ATP8B4: variants seen among roughly 807,000 people sequenced by gnomAD.
ATP8B4 encodes ATPase phospholipid transporting 8B4 (putative).
A neutral mutation model predicts 145.6 loss-of-function variants in ATP8B4; 133 were observed. The observed-to-expected ratio is 0.91, with a 90% CI of 0.79 to 1.05. The LOEUF is 1.05. ATP8B4 is among the 50% of genes least tolerant of loss of function. ATP8B4 has a pLI of 0.00. For synonymous variants in ATP8B4, 507 were observed against 492.9 expected, an observed-to-expected ratio of 1.03 and a Z score of -0.38; for missense variants, 1,458 against 1,425.2, an observed-to-expected ratio of 1.02 and a Z score of -0.37.
intron 19 of ATP8B4, among the ~76,000 whole-genome samples, chr15:49,918,387 C>G (rs1310692151): frequency 6.6e-6 from 1 of 152,142 alleles, no homozygotes; most frequent in Non-Finnish European, 1.5e-5. Flanking sequence ...TTTCCCTGAG[C>G]TTCTTCAAAG....
chr15:49,926,330 C>A (rs1304524010), intron 16 of ATP8B4, among the ~76,000 whole-genome samples: 1 of 152,148 alleles, frequency 6.6e-6, no homozygotes, highest in Non-Finnish European at 1.5e-5. Context: ...AATCAGAAAT[C>A]TAGGCATCAC....
At chr15:50,064,559 G>A (rs1265772862) in intron 3 of ATP8B4, among the ~76,000 whole-genome samples, 1 of 152,132 alleles carries the variant, frequency 6.6e-6, no homozygotes, top group Non-Finnish European at 1.5e-5. Flanking sequence ...CAAATATATA[G>A]CCCAAGTCTT....
At chr15:50,085,902 C>T (rs1389044864) in intron 2 of ATP8B4, among the ~76,000 whole-genome samples, 1 of 65,206 alleles carries the variant, frequency 1.5e-5, no homozygotes. Context: ...TGATATATAT[C>T]ATATATATTT....
chr15:50,078,520 T>A (rs1290492869), intron 2 of ATP8B4, among the ~76,000 whole-genome samples: 2 of 149,454 alleles, frequency 1.3e-5, no homozygotes, highest in Admixed American at 6.7e-5. Context: ...AAAATATATA[T>A]CAAAATGACA....
intron 24 of ATP8B4, among the ~76,000 whole-genome samples, chr15:49,877,448 G>T (rs1377416851): frequency 6.6e-6 from 1 of 152,198 alleles, no homozygotes; most frequent in Admixed American, 6.5e-5. Context: ...TATTGTGGGA[G>T]AGGAACATTC....
chr15:50,070,918 T>C (rs1445776452), intron 3 of ATP8B4, among the ~76,000 whole-genome samples: 3 of 152,132 alleles, frequency 2.0e-5, no homozygotes, highest in Non-Finnish European at 2.9e-5. Flanking sequence ...AATTTTTGTA[T>C]TTTTAGTATA....
At chr15:50,095,132 A>G (rs2055885669) in intron 2 of ATP8B4, among the ~76,000 whole-genome samples, 1 of 152,094 alleles carries the variant, frequency 6.6e-6, no homozygotes, top group African/African-American at 2.4e-5. Flanking sequence ...ACCATACTAC[A>G]TGTTGCAGGG....
chr15:49,861,452 GTCTATCTA>G (rs71124312), intron 27 of ATP8B4, among the ~76,000 whole-genome samples: 4 of 143,444 alleles, frequency 2.8e-5, no homozygotes, highest in South Asian at 2.4e-4. Context: ...CTGTCTGTCT[GTCTATCTA>G]TCTATCTATC....
intron 27 of ATP8B4, among the ~76,000 whole-genome samples, chr15:49,860,713 CATT>C (rs1191517976): frequency 6.6e-6 from 1 of 152,138 alleles, no homozygotes; most frequent in Non-Finnish European, 1.5e-5. Context: ...AGACAAATTT[CATT>C]ATTGTCTCTC....
intron 2 of ATP8B4, among the ~76,000 whole-genome samples, chr15:50,080,928 A>G (rs938341911): frequency 2.6e-5 from 4 of 152,264 alleles, no homozygotes; most frequent in African/African-American, 2.4e-5. Context: ...CCTGGCTAAC[A>G]TGGTGAAACC....
chr15:50,093,816 A>C (rs1037367980), intron 2 of ATP8B4, among the ~76,000 whole-genome samples: 1 of 152,210 alleles, frequency 6.6e-6, no homozygotes, highest in Non-Finnish European at 1.5e-5. Flanking sequence ...ATGCAACATT[A>C]ACCATAGGAA....
chr15:50,057,185 A>G (rs2052672556), intron 3 of ATP8B4, among the ~76,000 whole-genome samples: 1 of 152,220 alleles, frequency 6.6e-6, no homozygotes, highest in Non-Finnish European at 1.5e-5. Context: ...TTTCTATGTC[A>G]TAGATTCTCT....
chr15:50,157,160 A>G (rs2044431839), intron 1 of ATP8B4, among the ~76,000 whole-genome samples: 2 of 152,232 alleles, frequency 1.3e-5, no homozygotes, highest in Non-Finnish European at 2.9e-5. Flanking sequence ...TAAAAACCAG[A>G]GTACTCAAAC....
intron 6 of ATP8B4, among the ~76,000 whole-genome samples, chr15:50,035,826 C>A (rs1461886993): frequency 6.6e-6 from 1 of 152,140 alleles, no homozygotes. Context: ...CTGACTATAC[C>A]CTGCCTCCTT....
chr15:50,080,525 A>G (rs986702351), intron 2 of ATP8B4, among the ~76,000 whole-genome samples: 3 of 152,142 alleles, frequency 2.0e-5, no homozygotes, highest in Admixed American at 2.0e-4. Context: ...CAGACAGAAC[A>G]TCCAAAAGTG....
chr15:50,095,420 G>C (rs62021715), intron 2 of ATP8B4, among the ~76,000 whole-genome samples: 4,238 of 152,202 alleles, frequency 0.028, 104 homozygotes, highest in Non-Finnish European at 0.038. Flanking sequence ...AACTTTACAA[G>C]GATCTGAAAT....
At chr15:50,165,480 A>T (rs544736675) in intron 1 of ATP8B4, among the ~76,000 whole-genome samples, 1 of 151,704 alleles carries the variant, frequency 6.6e-6, no homozygotes, top group East Asian at 1.9e-4. Context: ...CTGGTGGGGG[A>T]TGGTGGGGGC....
rs755159123 is a variant in ATP8B4, at chr15:50,114,103, C to CTTTTTTTTTTTTTTTTTTTTT, written c.-43+4999_-43+5019dup. The stretch of plus-strand genomic sequence containing the variant: ...ATTTTCCTTCTTGGTCTCCTAGTTT[C>CTTTTTTTTTTTTTTTTTTTTT]TTTTTTTTTTTTTTTTTTTTTTTTT... On this transcript the variant is annotated intron_variant, in intron 1 of 27. Transcript: ENST00000284509. Among the ~76,000 whole-genome samples, 152 of 55,628 alleles carry CTTTTTTTTTTTTTTTTTTTTT rather than the reference C, an allele frequency of 2.7e-3. 21 individuals carry two copies. The highest frequency in any genetic ancestry group is 3.8e-3 in the Non-Finnish European group (121 of 31,896). 36.5% of individuals were successfully genotyped at this position (55,628 alleles called of 152,430 possible). A position where few individuals can be genotyped will look rare whatever the true frequency, so the allele number is the denominator to read the frequency against.
intron 25 of ATP8B4, among the ~76,000 whole-genome samples, chr15:49,873,962 T>TAA (rs1003891087): frequency 2.0e-5 from 3 of 152,260 alleles, no homozygotes; most frequent in Admixed American, 1.3e-4. Context: ...ACATCAGTTA[T>TAA]AATGATTCTT....
Sources: allele counts gnomAD v4.1 joint callset (sites outside exome capture counted in the v4.1 genomes callset), GRCh38; gene constraint gnomAD v4.1.1; transcripts MANE v1.5; gene names NCBI Gene and HGNC (gene_info 2026-07-23, HGNC 2026-07-21).